ERBB4: variants seen among roughly 807,000 people sequenced by gnomAD.
ERBB4 encodes the protein erb-b2 receptor tyrosine kinase 4.
ERBB4 carries 42 observed loss-of-function variants against 158.0 expected under a neutral mutation model. The observed-to-expected ratio is 0.27, with a 90% CI of 0.21 to 0.34. The LOEUF (loss-of-function observed/expected upper bound fraction) is 0.34, where lower values mean the gene tolerates loss of function less well. ERBB4 is among the 10% of genes least tolerant of loss of function. ERBB4 has a pLI of 1.00. For missense variants in ERBB4, 1,333 were observed against 1,624.1 expected, an observed-to-expected ratio of 0.82 and a Z score of 3.08; for synonymous variants, 583 against 558.7, an observed-to-expected ratio of 1.04 and a Z score of -0.61.
At chr2:212,210,380 A>G (rs1401427244) in intron 1 of ERBB4, among the ~76,000 whole-genome samples, 6 of 152,106 alleles carry the variant, frequency 3.9e-5, no homozygotes, top group Non-Finnish European at 7.4e-5. Flanking sequence ...AATGATGGTA[A>G]CTAAAGAGTC....
intron 2 of ERBB4, among the ~76,000 whole-genome samples, chr2:212,034,753 A>T (rs993089270): frequency 1.1e-4 from 16 of 152,212 alleles, no homozygotes; most frequent in Middle Eastern, 3.4e-3. Context: ...CTTATATCAT[A>T]GTCACAACTG....
chr2:211,854,290 A>G (rs919863453), intron 3 of ERBB4, among the ~76,000 whole-genome samples: 1 of 147,862 alleles, frequency 6.8e-6, no homozygotes, highest in Non-Finnish European at 1.5e-5. Flanking sequence ...TCATATTATC[A>G]TATGTGTAGT....
At chr2:211,799,335 T>C (rs1323981438) in intron 3 of ERBB4, among the ~76,000 whole-genome samples, 2 of 152,222 alleles carry the variant, frequency 1.3e-5, no homozygotes, top group Non-Finnish European at 2.9e-5. Flanking sequence ...CCATGTCTTC[T>C]AAATTACATA....
At chr2:211,637,300 C>A (rs879866937) in intron 16 of ERBB4, among the ~76,000 whole-genome samples, 2 of 151,930 alleles carry the variant, frequency 1.3e-5, no homozygotes, top group Admixed American at 6.6e-5. Context: ...TCTTATAATT[C>A]ATTCACAATT....
intron 12 of ERBB4, among the ~76,000 whole-genome samples, chr2:211,692,306 C>A (rs1406302842): frequency 6.6e-6 from 1 of 152,180 alleles, no homozygotes; most frequent in Non-Finnish European, 1.5e-5. Flanking sequence ...AAAGCTATTT[C>A]TTGGACTTCT....
chr2:211,570,494 C>T (rs1009948741), intron 19 of ERBB4, among the ~76,000 whole-genome samples: 1 of 148,518 alleles, frequency 6.7e-6, no homozygotes, highest in African/African-American at 2.5e-5. Context: ...CTTACTGATG[C>T]TTTATTACAC....
intron 17 of ERBB4, among the ~76,000 whole-genome samples, chr2:211,629,773 C>T (rs1486091362): frequency 6.6e-6 from 1 of 151,730 alleles, no homozygotes; most frequent in Non-Finnish European, 1.5e-5. Flanking sequence ...CTTTGACAAA[C>T]CTGACAAAAA....
At chr2:212,401,686 A>G (rs938468701) in intron 1 of ERBB4, among the ~76,000 whole-genome samples, 8 of 152,142 alleles carry the variant, frequency 5.3e-5, no homozygotes, top group African/African-American at 1.9e-4. Context: ...TGATAAAATT[A>G]TAATCTTATT....
intron 2 of ERBB4, among the ~76,000 whole-genome samples, chr2:211,991,387 G>C (rs149907463): frequency 1.0e-3 from 158 of 152,104 alleles, no homozygotes; most frequent in Admixed American, 3.3e-3. Flanking sequence ...ACATAAATAT[G>C]ATGAGGGACC....
At chr2:211,947,722 A>C (rs183820306) in intron 2 of ERBB4, 106 bp from the exon 3 acceptor site, 1 of 883,894 alleles carries the variant, frequency 1.1e-6, no homozygotes, top group Admixed American at 2.1e-5. Flanking sequence ...TTCAGTTTTT[A>C]GTTTAATACA....
intron 3 of ERBB4, among the ~76,000 whole-genome samples, chr2:211,898,041 A>G (rs1170852772): frequency 4.6e-5 from 7 of 152,032 alleles, no homozygotes; most frequent in African/African-American, 1.7e-4. Flanking sequence ...TGGGGTTACA[A>G]GTATGAGCCA....
At chr2:211,842,980 A>T (rs1302798092) in intron 3 of ERBB4, among the ~76,000 whole-genome samples, 1 of 152,160 alleles carries the variant, frequency 6.6e-6, no homozygotes, top group Non-Finnish European at 1.5e-5. Context: ...CTTTAAAGTT[A>T]TAAAACAGTT....
intron 2 of ERBB4, among the ~76,000 whole-genome samples, chr2:211,987,327 A>G: frequency 7.5e-6 from 1 of 133,460 alleles, no homozygotes. Context: ...TCTCAAGAAA[A>G]GACAAAAAAA....
intron 20 of ERBB4, among the ~76,000 whole-genome samples, chr2:211,496,804 C>T (rs75152820): frequency 0.014 from 2,175 of 152,200 alleles, 48 homozygotes; most frequent in African/African-American, 0.049. Context: ...TTTCTTTTGC[C>T]TGGGTTATCC....
intron 19 of ERBB4, among the ~76,000 whole-genome samples, chr2:211,592,179 C>A (rs62180247): frequency 3.4e-5 from 3 of 88,736 alleles, no homozygotes; most frequent in African/African-American, 3.1e-5. Context: ...GCTAGACGCC[C>A]GGTAGACGCA....
rs191231993 is a variant in ERBB4, at chr2:211,690,106, C to A, written c.1490-10922G>T. On this transcript the variant is annotated intron_variant, in intron 12 of 27. Transcript: ENST00000342788. The stretch of plus-strand genomic sequence containing the variant: ...ATATAATATACATCTAATATATATT[C>A]AGTGCTAAGTTAATATAGAATATAG... 1.3e-3 allele frequency among the ~76,000 whole-genome samples: 199 copies of A among 148,688 alleles called. 1 individual carries two copies. Among genetic ancestry groups the A allele is most frequent in the African/African-American group, 4.7e-3 (190 of 40,696 alleles).
chr2:212,111,117 C>T (rs1436252113), intron 2 of ERBB4, among the ~76,000 whole-genome samples: 2 of 152,294 alleles, frequency 1.3e-5, no homozygotes, highest in South Asian at 4.1e-4. Context: ...TCCTTTGTCC[C>T]TGTTACTGCC....
At chr2:212,287,307 G>C (rs2086028404) in intron 1 of ERBB4, among the ~76,000 whole-genome samples, 1 of 152,068 alleles carries the variant, frequency 6.6e-6, no homozygotes, top group South Asian at 2.1e-4. Context: ...ACACTTGTAA[G>C]AGTACTCAGC....
In ERBB4 at chr2:211,774,821, G is replaced by A. The variant is rs552317075; in HGVS notation, c.556+13204C>T. ...GTTTATTAATATTGGGCTGTTAACT[G>A]TTAGTGGGTTATTCCGGTCTGATGT... On this transcript the variant is annotated intron_variant, in intron 4 of 27. Coordinates refer to ENST00000342788, the MANE Select transcript of ERBB4 (RefSeq NM_005235.3). 2.6e-5 allele frequency among the ~76,000 whole-genome samples: 4 copies of A among 152,300 alleles called. No homozygotes were observed. In the East Asian group the frequency reaches 7.7e-4, roughly 29 times the overall value.
Sources: gnomAD v4.1 joint callset for allele counts (sites outside exome capture counted in the v4.1 genomes callset) on GRCh38, gnomAD v4.1.1 for gene constraint, MANE v1.5 for transcripts, NCBI Gene and HGNC (gene_info 2026-07-23, HGNC 2026-07-21) for gene names.